FHDC1: variants seen among roughly 807,000 people sequenced by gnomAD.
FHDC1 encodes the protein FH2 domain-containing protein 1.
A neutral mutation model predicts 52.6 loss-of-function variants in FHDC1; 25 were observed. The ratio of observed to expected loss-of-function variants is 0.48; its 90% CI spans 0.35 to 0.66. The LOEUF is 0.66. FHDC1 is among the 30% of genes least tolerant of loss of function. The pLI, the probability that FHDC1 is intolerant of heterozygous loss-of-function variation, is 0.01. For synonymous variants in FHDC1, 616 were observed against 581.5 expected, an observed-to-expected ratio of 1.06 and a Z score of -0.85; for missense variants, 1,459 against 1,452.8, an observed-to-expected ratio of 1.00 and a Z score of -0.07.
At chr4:152,962,688 C>A (rs1204278090) in intron 6 of FHDC1, 126 bp from the exon 7 acceptor site, 1 of 687,620 alleles carries the variant, frequency 1.5e-6, no homozygotes, top group Non-Finnish European at 2.5e-6. Flanking sequence ...TTGTTTTTTC[C>A]GTTTTATATA....
chr4:152,926,814 C>A, the FHDC1 span, among the ~76,000 whole-genome samples: 25 of 147,114 alleles, frequency 1.7e-4, no homozygotes, highest in East Asian at 3.9e-4. Context: ...AAAAAAAAAA[C>A]AAAACAACAA....
chr4:152,942,839 A>G (rs549813172), intron 1 of FHDC1, 89 bp from the exon 2 acceptor site: 3 of 526,744 alleles, frequency 5.7e-6, no homozygotes, highest in African/African-American at 3.9e-5. Context: ...TCCAACTCAT[A>G]TGGGAGGATT....
At chr4:152,931,471 C>G (rs1739251862), upstream of FHDC1, among the ~76,000 whole-genome samples, 1 of 141,384 alleles carries the variant, frequency 7.1e-6, no homozygotes, top group South Asian at 2.2e-4. Context: ...CACACACACA[C>G]ACACACACAC....
At chr4:152,928,323 A>C in the FHDC1 span, 3 of 508,228 alleles carry the variant, frequency 5.9e-6, no homozygotes, top group African/African-American at 5.8e-5. Context: ...TCCTGTGCAC[A>C]ACATGACATT....
Position 152,975,223 on chromosome 4 carries a change from C to T in FHDC1, c.1932C>T (p.Val644=), listed in dbSNP as rs201346502. The T allele has an allele frequency of 3.1e-6, 5 of 1,613,226 alleles. No homozygotes were observed. The highest frequency in any genetic ancestry group is 3.4e-6 in the Non-Finnish European group (4 of 1,180,034). Residue 644 remains valine (V), a synonymous_variant, in exon 12 of 12, where the codon GTC becomes GTT. Coordinates refer to ENST00000511601, the MANE Select transcript of FHDC1 (RefSeq NM_001371116.1). ...FPRARRQGVS[V]LRKRYSEPVS... is the part of the protein sequence containing the mutation. ...GAGCTCGGCGCCAGGGCGTCAGTGT[C>T]CTCCGAAAGAGGTACAGTGAGCCGG...
At chr4:152,933,754 C>G (rs1361340540), upstream of FHDC1, among the ~76,000 whole-genome samples, 5 of 130,004 alleles carry the variant, frequency 3.8e-5, no homozygotes, top group African/African-American at 1.5e-4. Flanking sequence ...AAAAAAAAGT[C>G]AAAATAAGCA....
chr4:152,920,679 T>C, the FHDC1 span, among the ~76,000 whole-genome samples: 27 of 152,196 alleles, frequency 1.8e-4, no homozygotes, highest in South Asian at 4.2e-4. Flanking sequence ...AAGGATAGAG[T>C]TATCATTTTA....
intron 10 of FHDC1, among the ~76,000 whole-genome samples, chr4:152,968,454 T>G (rs12507081): frequency 0.67 from 101,022 of 151,902 alleles, 33,938 homozygotes; most frequent in Non-Finnish European, 0.7. Context: ...GCCTCCCGAG[T>G]AGCTGGGGGC....
chr4:152,948,689 C>T (rs1739810866), intron 2 of FHDC1, among the ~76,000 whole-genome samples: 1 of 152,136 alleles, frequency 6.6e-6, no homozygotes, highest in Non-Finnish European at 1.5e-5. Flanking sequence ...CTCCTGACCT[C>T]ACGTGATTTG....
At chr4:152,930,997 A>ACACACACACACACACTCTCTCTCT in the FHDC1 span, among the ~76,000 whole-genome samples, 4 of 113,144 alleles carry the variant, frequency 3.5e-5, no homozygotes, top group African/African-American at 1.4e-4. Context: ...ACACACACAC[A>ACACACACACACACACTCTCTCTCT]CTCTCTCTCT....
chr4:152,969,995 A>T (rs1199874547), intron 10 of FHDC1, among the ~76,000 whole-genome samples: 1 of 152,172 alleles, frequency 6.6e-6, no homozygotes, highest in Non-Finnish European at 1.5e-5. Flanking sequence ...AAAACGTTTC[A>T]TACAGCTGCA....
At position 152,975,447 on chromosome 4, in the gene FHDC1, C is replaced by G. The variant is rs755670737; in HGVS notation, c.2156C>G (p.Ala719Gly). 4 of 1,613,352 alleles carry G rather than the reference C, an allele frequency of 2.5e-6. No individual in the cohort carries two copies. The South Asian group carries it at 4.4e-5, about 18-fold the overall frequency. ...VGHRGPQSLS[A>G]SSSSLTPMGR... The stretch of plus-strand genomic sequence containing the variant: ...CATAGGGGCCCGCAGTCCCTCAGTG[C>G]CAGCAGCAGCAGCCTGACACCCATG... Residue 719 changes from alanine (A) to glycine (G), a missense_variant, in exon 12 of 12, where the codon GCC becomes GGC. Ala to Gly is a moderately conservative substitution (Grantham distance 60, BLOSUM62 0). This residue lies in a region of FHDC1 where 939 missense variants were observed against 854.5 expected (regional missense o/e 1.10). Coordinates refer to ENST00000511601, the MANE Select transcript of FHDC1 (RefSeq NM_001371116.1).
Position 152,960,551 on chromosome 4 carries a change from C to T in FHDC1, c.664-14C>T, listed in dbSNP as rs1740248629. ...AGTGATTTTATATACCCCCCCTTTC[C>T]ATTTGTCTTTTAGGTAAAGAAGTTA... On this transcript the variant is annotated splice_polypyrimidine_tract_variant and intron_variant, in intron 4 of 11. Coordinates refer to ENST00000511601, the MANE Select transcript of FHDC1 (RefSeq NM_001371116.1). 2 of 1,607,654 alleles carry T rather than the reference C, an allele frequency of 1.2e-6. No homozygotes were observed. The highest frequency in any genetic ancestry group is 1.7e-6 in the Non-Finnish European group (2 of 1,174,814).
rs1164121066 is a variant in FHDC1 at position 152,977,445 on chromosome 4, C to T, written c.*722C>T. 1 of 151,980 alleles carries T rather than the reference C, an allele frequency of 6.6e-6. No individual in the cohort carries two copies. The highest frequency in any genetic ancestry group is 1.5e-5 in the Non-Finnish European group (1 of 67,988). 9.4% of individuals were successfully genotyped at this position (151,980 alleles called of 1,614,324 possible). A position where few individuals can be genotyped will look rare whatever the true frequency, so the allele number is the denominator to read the frequency against. On this transcript the variant is annotated 3_prime_UTR_variant, in exon 12 of 12. Transcript: ENST00000511601. ...TGAAATGCCTCCCAGGAAAAAAATA[C>T]ATATGTATTTTTTTGCGACAGGGTC...
chr4:152,925,800 T>C, the FHDC1 span, among the ~76,000 whole-genome samples: 3 of 151,336 alleles, frequency 2.0e-5, no homozygotes, highest in African/African-American at 4.9e-5. Context: ...ACCTCTGTTA[T>C]AGTAACTATT....
chr4:152,968,502 T>G (rs900076883), intron 10 of FHDC1, among the ~76,000 whole-genome samples: 2 of 152,108 alleles, frequency 1.3e-5, no homozygotes, highest in Non-Finnish European at 2.9e-5. Flanking sequence ...AATTTTTGTA[T>G]TTTTTCAGTA....
At chr4:152,953,386 G>A in intron 2 of FHDC1, 113 bp from the exon 3 acceptor site, 1 of 769,840 alleles carries the variant, frequency 1.3e-6, no homozygotes, top group Non-Finnish European at 2.1e-6. Flanking sequence ...TATACATTGG[G>A]AATTATTCTC....
the FHDC1 span, among the ~76,000 whole-genome samples, chr4:152,919,590 C>G: frequency 1.3e-5 from 2 of 152,080 alleles, no homozygotes; most frequent in African/African-American, 2.4e-5. Flanking sequence ...TTTTCCCCAC[C>G]AGACATTCTT....
upstream of FHDC1, among the ~76,000 whole-genome samples, chr4:152,931,440 A>G (rs1739250627): frequency 7.4e-6 from 1 of 135,500 alleles, no homozygotes; most frequent in Non-Finnish European, 1.6e-5. Context: ...CTCCTCTTCC[A>G]TCTCCAGCCT....
Sources: gnomAD v4.1 joint callset for allele counts (sites outside exome capture counted in the v4.1 genomes callset) on GRCh38, gnomAD v4.1.1 for gene constraint, gnomAD v4.1.1 regional missense constraint, MANE v1.5 for transcripts, NCBI Gene and HGNC (gene_info 2026-07-23, HGNC 2026-07-21) for gene names.